Variants in UBE3D observed in about 807,000 individuals in gnomAD.
UBE3D encodes the protein E3 ubiquitin-protein ligase E3D.
A neutral mutation model predicts 49.6 loss-of-function variants in UBE3D; 48 were observed. That is an observed-to-expected ratio of 0.97 (90% CI 0.77 to 1.23). UBE3D has a LOEUF of 1.23. Among genes scored for constraint, UBE3D ranks in the 50% most tolerant of loss-of-function variants. UBE3D has a pLI of 0.00. For missense variants in UBE3D, 452 were observed against 468.4 expected (o/e 0.96, Z 0.32); for synonymous variants, 189 against 174.2 (o/e 1.08, Z -0.67).
At chr6:83,011,323 G>C in intron 8 of UBE3D, among the ~76,000 whole-genome samples, 1 of 152,070 alleles carries the variant, frequency 6.6e-6, no homozygotes, top group East Asian at 1.9e-4. Context: ...GGTCGTAGCT[G>C]GTATTGATGA....
intron 5 of UBE3D, among the ~76,000 whole-genome samples, chr6:83,024,545 T>C (rs766440944): frequency 2.0e-5 from 3 of 152,152 alleles, no homozygotes; most frequent in Non-Finnish European, 2.9e-5. Context: ...AGTGTGTTAA[T>C]TTGAGTTAAG....
intron 8 of UBE3D, among the ~76,000 whole-genome samples, chr6:83,006,354 T>C (rs1449876067): frequency 1.3e-5 from 2 of 152,192 alleles, no homozygotes; most frequent in African/African-American, 2.4e-5. Flanking sequence ...TTTTCCTGTA[T>C]TTGGAGATAG....
rs775186237 is a variant in UBE3D, at chr6:82,994,737, TG to T, written c.1010+24235del. On this transcript the variant is annotated intron_variant, in intron 8 of 9. Coordinates refer to ENST00000369747, the MANE Select transcript of UBE3D (RefSeq NM_198920.3). ...ATAATAGGTTGGATGTGGGGGAAGT[TG>T]GAAACAATTAAAGACAAACTTTAGG... Among the ~76,000 whole-genome samples the T allele has an allele frequency of 7.9e-5, 12 of 152,166 alleles. No individual in the cohort carries two copies. The East Asian group carries it at 2.3e-3, about 29-fold the overall frequency.
intron 3 of UBE3D, among the ~76,000 whole-genome samples, chr6:83,045,702 ATTAGTTCCCATATACAC>A (rs1202266449): frequency 6.6e-6 from 1 of 152,186 alleles, no homozygotes; most frequent in Admixed American, 6.5e-5. Flanking sequence ...AAGGTAGTGT[ATTAGTTCCCATATACAC>A]TTCACCCAGA....
chr6:82,942,780 G>A (rs748438993), intron 9 of UBE3D, among the ~76,000 whole-genome samples: 9 of 152,238 alleles, frequency 5.9e-5, no homozygotes, highest in Admixed American at 2.0e-4. Context: ...AGAGGTTGCC[G>A]CAGGCACAGA....
At chr6:82,912,906 C>T (rs1772632324) in intron 9 of UBE3D, among the ~76,000 whole-genome samples, 1 of 152,098 alleles carries the variant, frequency 6.6e-6, no homozygotes, top group Non-Finnish European at 1.5e-5. Flanking sequence ...CTAGGCATGC[C>T]ACTCTCCTCC....
At chr6:82,913,951 G>A (rs982288119) in intron 9 of UBE3D, among the ~76,000 whole-genome samples, 3 of 152,178 alleles carry the variant, frequency 2.0e-5, no homozygotes, top group African/African-American at 7.2e-5. Flanking sequence ...GAGGACTACT[G>A]ACTTCTCACT....
At chr6:82,887,711 C>CAAAA (rs898209606), downstream of UBE3D, among the ~76,000 whole-genome samples, 38,418 of 147,070 alleles carry the variant, frequency 0.26, 5,807 homozygotes, top group Admixed American at 0.41. Flanking sequence ...TCCATCCCCC[C>CAAAA]AAAAAAAAAG....
intron 3 of UBE3D, among the ~76,000 whole-genome samples, chr6:83,052,368 A>G (rs1170605712): frequency 1.3e-5 from 2 of 152,210 alleles, no homozygotes; most frequent in Admixed American, 1.3e-4. Flanking sequence ...CTGCACTCCG[A>G]GAGCCTACAG....
At chr6:83,061,056 T>C (rs1187892927) in intron 1 of UBE3D, among the ~76,000 whole-genome samples, 2 of 152,156 alleles carry the variant, frequency 1.3e-5, no homozygotes, top group African/African-American at 4.8e-5. Context: ...AAAGTTAACA[T>C]AACCAATTTG....
chr6:83,058,018 G>C lies in UBE3D; in HGVS notation c.82C>G (p.Pro28Ala), dbSNP rs776412780. 18 of 1,613,868 alleles carry C rather than the reference G, an allele frequency of 1.1e-5. No homozygotes were observed. The South Asian group carries it at 1.6e-4, about 15-fold the overall frequency. ...TTCATGGGCATACCTCCTTCTTTCG[G>C]TTCTCTGGTAATTAAAAACAAAACC... ...LQSALLILGEPKEGGMPMNIS... is the reference protein window; with the variant it reads ...LQSALLILGEAKEGGMPMNIS... The change falls in exon 2 of 10, where the codon CCG (proline) becomes GCG (alanine). Residue 28 changes from proline (P) to alanine (A), a missense_variant. Transcript: ENST00000369747.
At chr6:82,944,902 G>A (rs1484560011) in intron 9 of UBE3D, among the ~76,000 whole-genome samples, 1 of 152,134 alleles carries the variant, frequency 6.6e-6, no homozygotes, top group African/African-American at 2.4e-5. Context: ...GGGAAGAGTG[G>A]GAAGGACTGT....
chr6:82,969,718 A>C (rs193267122), intron 8 of UBE3D, among the ~76,000 whole-genome samples: 2 of 152,222 alleles, frequency 1.3e-5, no homozygotes, highest in East Asian at 3.8e-4. Context: ...AAAAATGGAA[A>C]GATATACTTA....
intron 9 of UBE3D, among the ~76,000 whole-genome samples, chr6:82,944,587 A>G (rs1366480261): frequency 6.6e-6 from 1 of 152,224 alleles, no homozygotes. Context: ...AGCAAAGGGA[A>G]AAGTAAAGGA....
the UBE3D span, among the ~76,000 whole-genome samples, chr6:82,882,321 G>C: frequency 6.6e-6 from 1 of 152,090 alleles, no homozygotes; most frequent in African/African-American, 2.4e-5. Flanking sequence ...CAAAATAAAG[G>C]CTTTATCGGA....
At chr6:83,014,221 G>T (rs1270306913) in intron 8 of UBE3D, among the ~76,000 whole-genome samples, 1 of 152,218 alleles carries the variant, frequency 6.6e-6, no homozygotes, top group Non-Finnish European at 1.5e-5. Flanking sequence ...AAATAAGAGA[G>T]TTGAACAGGG....
At chr6:83,036,391 C>G (rs1245325935) in intron 5 of UBE3D, 1 of 151,928 alleles carries the variant, frequency 6.6e-6, no homozygotes, top group Non-Finnish European at 1.5e-5. Context: ...TTTTATCTTC[C>G]AATTCTTTAA....
At chr6:82,903,169 T>G (rs987823131) in intron 9 of UBE3D, among the ~76,000 whole-genome samples, 1 of 152,094 alleles carries the variant, frequency 6.6e-6, no homozygotes, top group Non-Finnish European at 1.5e-5. Context: ...TTTTTTTTTG[T>G]AGAGATGCGG....
intron 9 of UBE3D, among the ~76,000 whole-genome samples, chr6:82,926,607 G>A (rs1193387941): frequency 1.3e-5 from 2 of 152,094 alleles, no homozygotes; most frequent in Non-Finnish European, 2.9e-5. Flanking sequence ...TGTTGTCAGT[G>A]TTCTGGATTA....
Sources: gnomAD v4.1 joint callset for allele counts (sites outside exome capture counted in the v4.1 genomes callset) on GRCh38, gnomAD v4.1.1 for gene constraint, MANE v1.5 for transcripts, NCBI Gene and HGNC (gene_info 2026-07-23, HGNC 2026-07-21) for gene names.